Variants in KLK15 observed in about 807,000 individuals in gnomAD.
The protein encoded by KLK15 is kallikrein related peptidase 15.
A neutral mutation model predicts 21.1 loss-of-function variants in KLK15; 19 were observed. That is an observed-to-expected ratio of 0.90 (90% CI 0.63 to 1.32). KLK15 has a LOEUF of 1.32. Ranked by LOEUF, KLK15 falls within the 40% of genes most tolerant of loss-of-function variation. The probability of loss-of-function intolerance (pLI) is 0.00; values close to 1 mark genes in which losing one functional copy is unlikely to be tolerated. For missense variants in KLK15, 345 were observed against 348.6 expected (o/e 0.99, Z 0.08); for synonymous variants, 141 against 141.5 (o/e 1.00, Z 0.03).
At chr19:50,829,693 G>T (rs1426135958) in intron 1 of KLK15, among the ~76,000 whole-genome samples, 1 of 151,696 alleles carries the variant, frequency 6.6e-6, no homozygotes, top group African/African-American at 2.4e-5. Context: ...GGTGGTGCGT[G>T]CCTGTAATTC....
intron 1 of KLK15, among the ~76,000 whole-genome samples, chr19:50,829,861 A>G (rs2089952395): frequency 6.6e-6 from 1 of 151,602 alleles, no homozygotes; most frequent in Admixed American, 6.6e-5. Flanking sequence ...TAAAACCGTG[A>G]TTCACCCACA....
At chr19:50,827,908 T>C (rs2089912830) in intron 1 of KLK15, 93 bp from the exon 3 acceptor site, 1 of 1,225,706 alleles carries the variant, frequency 8.2e-7, no homozygotes, top group Non-Finnish European at 1.2e-6. Context: ...TATATGCCTA[T>C]GCCTTTCCCC....
intron 1 of KLK15, among the ~76,000 whole-genome samples, chr19:50,828,704 A>G (rs1466942675): frequency 1.3e-5 from 2 of 151,594 alleles, no homozygotes; most frequent in African/African-American, 4.8e-5. Context: ...ACGGTGGCTC[A>G]TGCCTGTAAT....
upstream of KLK15, among the ~76,000 whole-genome samples, chr19:50,832,314 TTTTTTTTC>T (rs1429978782): frequency 1.9e-3 from 188 of 98,006 alleles, no homozygotes; most frequent in African/African-American, 6.2e-3. Context: ...CTTTCTTTCT[TTTTTTTTC>T]TTTTTTTTTT....
intron 1 of KLK15, among the ~76,000 whole-genome samples, chr19:50,830,802 C>T (rs1203102181): frequency 6.6e-6 from 1 of 152,220 alleles, no homozygotes; most frequent in African/African-American, 2.4e-5. Context: ...GAGCCACAGC[C>T]CCTTCCCTTG....
At chr19:50,827,218 G>A (rs1442370266) in intron 2 of KLK15, 57 bp from the exon 4 acceptor site, 16 of 1,503,154 alleles carry the variant, frequency 1.1e-5, no homozygotes, top group Non-Finnish European at 1.4e-5. Context: ...TTACCCGCAA[G>A]TAGAGGACAG....
chr19:50,826,956 C>T, exon 3 of KLK15: 1 of 1,604,986 alleles, frequency 6.2e-7, no homozygotes, highest in African/African-American at 1.3e-5. Context: ...CAGGCCTCCC[C>T]CGGGTGGGGG....
chr19:50,831,407 C>A (rs772785016), intron 1 of KLK15, 43 bp downstream of exon 2: 1 of 1,358,858 alleles, frequency 7.4e-7, no homozygotes, highest in Non-Finnish European at 9.6e-7. Context: ...GGGAAGGGGG[C>A]ACCTGCTCCC....
upstream of KLK15, chr19:50,831,644 T>G: frequency 2.0e-6 from 1 of 510,162 alleles, no homozygotes; most frequent in Non-Finnish European, 3.3e-6. Flanking sequence ...CGGTATCCCC[T>G]TCCCCCAACC....
chr19:50,827,014 G>A (rs1490099697), exon 3 of KLK15: 3 of 1,605,988 alleles, frequency 1.9e-6, no homozygotes, highest in Non-Finnish European at 2.5e-6. Context: ...TCAGGCGTGC[G>A]GGCTGGACTA....
At chr19:50,832,429 T>C (rs1177098644), upstream of KLK15, among the ~76,000 whole-genome samples, 1 of 150,362 alleles carries the variant, frequency 6.7e-6, no homozygotes, top group East Asian at 2.0e-4. Flanking sequence ...TTCAAGAGAT[T>C]CTCCTGCCTC....
upstream of KLK15, chr19:50,833,083 C>T (rs266851): frequency 0.2 from 30,509 of 152,292 alleles, 3,279 homozygotes; most frequent in African/African-American, 0.28. Flanking sequence ...TCCATTACAG[C>T]GCAGATGCCC....
Position 50,830,123 on chromosome 19 carries a change from C to T in KLK15, c.43+1327G>A, listed in dbSNP as rs73585084. ...CTCATGCATGTGGAGAGGATGTGAA[C>T]ATACAGGGCCTTGTATACCCACTGC... On this transcript the variant is annotated intron_variant, in intron 1 of 4. Transcript: ENST00000598239. Among the ~76,000 whole-genome samples the T allele has an allele frequency of 8.5e-3, 1,283 of 151,034 alleles. 36 individuals are homozygous for T. The highest frequency in any genetic ancestry group is 0.029 in the African/African-American group (1,212 of 41,344).
chr19:50,827,173 A>T lies in KLK15; in HGVS notation c.198-12T>A. 6.4e-7 allele frequency: 1 copy of T among 1,559,864 alleles called. No individual in the cohort carries two copies. The highest frequency in any genetic ancestry group is 8.6e-7 in the Non-Finnish European group (1 of 1,157,182). ...GCACTCTCATGAAGCTGTGCGGGCGAGTGGTTTTCCCGCCAGTGGAGTGCG... is the reference window on the plus strand; with the variant it reads ...GCACTCTCATGAAGCTGTGCGGGCGTGTGGTTTTCCCGCCAGTGGAGTGCG... On this transcript the variant is annotated splice_polypyrimidine_tract_variant and intron_variant, in intron 2 of 4. Coordinates refer to ENST00000598239, the Ensembl canonical transcript of KLK15.
intron 2 of KLK15, 23 bp from the exon 4 acceptor site, chr19:50,827,184 C>G (rs752466688): frequency 6.4e-7 from 1 of 1,557,258 alleles, no homozygotes; most frequent in Non-Finnish European, 8.7e-7. Flanking sequence ...GTGGTTTTCC[C>G]GCCAGTGGAG....
At chr19:50,828,766 G>C (rs1046965140) in intron 1 of KLK15, among the ~76,000 whole-genome samples, 2 of 151,276 alleles carry the variant, frequency 1.3e-5, no homozygotes, top group South Asian at 2.1e-4. Flanking sequence ...TCAGGAGTTC[G>C]AGACCAGCCT....
chr19:50,829,857 C>T (rs560056928), intron 1 of KLK15, among the ~76,000 whole-genome samples: 20 of 151,442 alleles, frequency 1.3e-4, no homozygotes, highest in Admixed American at 3.3e-4. Context: ...AGGTTAAAAC[C>T]GTGATTCACC....
upstream of KLK15, among the ~76,000 whole-genome samples, chr19:50,832,318 T>C (rs1446041776): frequency 1.1e-3 from 119 of 113,132 alleles, 1 homozygote; most frequent in Non-Finnish European, 1.8e-3. Flanking sequence ...CTTTCTTTTT[T>C]TTTCTTTTTT....
At chr19:50,825,849 T>C in exon 5 of KLK15, 1 of 1,613,954 alleles carries the variant, frequency 6.2e-7, no homozygotes, top group Non-Finnish European at 8.5e-7. Flanking sequence ...CAGACTTTGG[T>C]ATAGACACCA....
Sources: allele counts gnomAD v4.1 joint callset (sites outside exome capture counted in the v4.1 genomes callset), GRCh38; gene constraint gnomAD v4.1.1; transcripts MANE v1.5; gene names NCBI Gene and HGNC (gene_info 2026-07-23, HGNC 2026-07-21).